SLC2A13: variants seen among roughly 807,000 people sequenced by gnomAD.
SLC2A13 encodes the protein proton myo-inositol cotransporter.
SLC2A13 carries 32 observed loss-of-function variants against 64.4 expected under a neutral mutation model. The observed-to-expected ratio is 0.50, with a 90% CI of 0.37 to 0.67. The LOEUF (loss-of-function observed/expected upper bound fraction) is 0.67, where lower values mean the gene tolerates loss of function less well. SLC2A13 is among the 30% of genes least tolerant of loss of function. The pLI, the probability that SLC2A13 is intolerant of heterozygous loss-of-function variation, is 0.00. For synonymous variants in SLC2A13, 338 were observed against 327.1 expected (o/e 1.03, Z -0.36); for missense variants, 743 against 829.2 (o/e 0.90, Z 1.28).
intron 2 of SLC2A13, among the ~76,000 whole-genome samples, chr12:40,036,018 T>C (rs1017363464): frequency 1.3e-5 from 2 of 152,082 alleles, no homozygotes; most frequent in African/African-American, 2.4e-5. Flanking sequence ...TATCCTTTTT[T>C]CCCCCCAAAC....
Position 40,005,055 on chromosome 12 carries a change from G to A in SLC2A13, c.925+23246C>T, listed in dbSNP as rs536005195. ...AAACCCATGTTGTTGGAGGGTCATC[G>A]GTACTGCCTAACCCTACCTTATCTG... On this transcript the variant is annotated intron_variant, in intron 3 of 9. Coordinates refer to ENST00000280871, the MANE Select transcript of SLC2A13 (RefSeq NM_052885.4). Among the ~76,000 whole-genome samples, 12 of 152,176 alleles carry A rather than the reference G, an allele frequency of 7.9e-5. No homozygotes were observed. The East Asian group carries it at 1.9e-3, about 24-fold the overall frequency.
chr12:40,064,433 C>G (rs1016339320), intron 1 of SLC2A13, among the ~76,000 whole-genome samples: 43 of 151,568 alleles, frequency 2.8e-4, no homozygotes, highest in African/African-American at 1.0e-3. Flanking sequence ...ATAAAAATAC[C>G]TAATATGGAG....
chr12:39,791,197 T>A (rs907645695), intron 7 of SLC2A13, among the ~76,000 whole-genome samples: 2 of 151,554 alleles, frequency 1.3e-5, no homozygotes, highest in African/African-American at 2.4e-5. Flanking sequence ...AAACTCTCAA[T>A]AAATTAGGTA....
rs970794231 is a variant in SLC2A13 at position 39,872,047 on chromosome 12, GA to G, written c.1035-87del. The G allele has an allele frequency of 2.8e-5, 33 of 1,190,616 alleles. No homozygotes were observed. In the South Asian group the frequency reaches 7.3e-4, roughly 27 times the overall value. The allele number at this position is 1,190,616 out of a possible 1,614,324, so 73.8% of individuals were successfully genotyped here. A position where few individuals can be genotyped will look rare whatever the true frequency, so the allele number is the denominator to read the frequency against. ...TGATAGAAAAAGATGTATTCAATTTGAAAAAAATATAAGGAGAACTACAGTA... is the reference window on the plus strand; with the variant it reads ...TGATAGAAAAAGATGTATTCAATTTGAAAAAATATAAGGAGAACTACAGTA... On this transcript the variant is annotated intron_variant, in intron 4 of 9. Transcript: ENST00000280871.
intron 6 of SLC2A13, among the ~76,000 whole-genome samples, chr12:39,848,092 C>T (rs1430315985): frequency 6.6e-6 from 1 of 152,056 alleles, no homozygotes; most frequent in African/African-American, 2.4e-5. Context: ...ACAACCTAGG[C>T]AATACCATCC....
Position 40,028,307 on chromosome 12 carries a change from C to T in SLC2A13, c.919G>A (p.Gly307Ser). 6.2e-7 allele frequency: 1 copy of T among 1,613,322 alleles called. No homozygotes were observed. Among genetic ancestry groups the T allele is most frequent in the Non-Finnish European group, 8.5e-7 (1 of 1,179,714 alleles). The part of the protein sequence containing the change: ...NNIEEEEKEV[G>S]SAGPVICRML... ...AAGTATAAAGTCTATATACCTGAGC[C>T]AACCTCTTTTTCCTCCTCTTCAATG... The change falls in exon 3 of 10, where the codon GGC becomes AGC. Residue 307 changes from glycine to serine, a missense_variant. Gly to Ser is a moderately conservative substitution (Grantham distance 56). This residue lies in a region of SLC2A13 where 448 missense variants were observed against 447.4 expected (regional missense o/e 1.00). Coordinates refer to ENST00000280871, the MANE Select transcript of SLC2A13 (RefSeq NM_052885.4).
chr12:40,084,740 C>T (rs1938535994), intron 1 of SLC2A13, among the ~76,000 whole-genome samples: 1 of 152,102 alleles, frequency 6.6e-6, no homozygotes. Flanking sequence ...TGATGCTCCA[C>T]TTGCTGTCTG....
At chr12:39,808,596 A>G (rs1461474495) in intron 7 of SLC2A13, among the ~76,000 whole-genome samples, 2 of 152,116 alleles carry the variant, frequency 1.3e-5, no homozygotes, top group African/African-American at 4.8e-5. Context: ...AACACTTGAT[A>G]TTTTGACTTT....
intron 4 of SLC2A13, among the ~76,000 whole-genome samples, chr12:39,947,882 G>A (rs1316585588): frequency 1.3e-5 from 2 of 151,884 alleles, no homozygotes; most frequent in African/African-American, 2.4e-5. Flanking sequence ...GGATGGTCTC[G>A]ATCTCCTGAC....
At chr12:40,021,897 A>C (rs1592014467) in intron 3 of SLC2A13, among the ~76,000 whole-genome samples, 1 of 152,354 alleles carries the variant, frequency 6.6e-6, no homozygotes, top group East Asian at 1.9e-4. Context: ...TTTCTATCAA[A>C]ATACGATAAA....
chr12:39,895,829 C>T lies in SLC2A13; in HGVS notation c.1035-23868G>A, dbSNP rs571328423. 2.1e-5 allele frequency among the ~76,000 whole-genome samples: 2 copies of T among 95,942 alleles called. 1 individual carries two copies. Among genetic ancestry groups the T allele is most frequent in the African/African-American group, 8.5e-5 (2 of 23,644 alleles). The allele number at this position is 95,942 out of a possible 152,430, so 62.9% of individuals were successfully genotyped here. A position where few individuals can be genotyped will look rare whatever the true frequency, so the allele number is the denominator to read the frequency against. On this transcript the variant is annotated intron_variant, in intron 4 of 9. Coordinates refer to ENST00000280871, the MANE Select transcript of SLC2A13 (RefSeq NM_052885.4). ...GTGTATACGTACACACATGTATATG[C>T]GTGTATATGCACACACATATGTATA...
chr12:39,781,382 G>A (rs1056836388), intron 7 of SLC2A13, among the ~76,000 whole-genome samples: 2 of 15,638 alleles, frequency 1.3e-4, no homozygotes, highest in East Asian at 5.7e-3. Flanking sequence ...GCCCCGCACA[G>A]TCTGGCCTGC....
At chr12:39,770,603 G>GT (rs1940528639) in intron 7 of SLC2A13, among the ~76,000 whole-genome samples, 2 of 152,154 alleles carry the variant, frequency 1.3e-5, no homozygotes, top group African/African-American at 4.8e-5. Flanking sequence ...TGGGCTGTTG[G>GT]GAACATTAAA....
intron 3 of SLC2A13, among the ~76,000 whole-genome samples, chr12:39,985,132 C>CA (rs1410717961): frequency 5.9e-5 from 9 of 152,072 alleles, no homozygotes; most frequent in Non-Finnish European, 8.8e-5. Flanking sequence ...TGGAAAATTA[C>CA]AAAAAATGAA....
intron 2 of SLC2A13, among the ~76,000 whole-genome samples, chr12:40,029,373 C>T (rs1025516863): frequency 2.0e-5 from 3 of 152,158 alleles, no homozygotes; most frequent in African/African-American, 7.2e-5. Context: ...TGGAAACTTC[C>T]ATGCATCTAC....
intron 4 of SLC2A13, among the ~76,000 whole-genome samples, chr12:39,947,427 T>A (rs1946154033): frequency 6.6e-6 from 1 of 152,158 alleles, no homozygotes; most frequent in Non-Finnish European, 1.5e-5. Flanking sequence ...TACTTCAAGT[T>A]CCCCAAAAAA....
intron 4 of SLC2A13, among the ~76,000 whole-genome samples, chr12:39,941,850 G>A (rs1565553219): frequency 6.6e-6 from 1 of 152,058 alleles, no homozygotes; most frequent in Admixed American, 6.5e-5. Flanking sequence ...TCAGGTCTTG[G>A]GTTTAAGTCC....
chr12:39,931,678 G>T (rs1214308067), intron 4 of SLC2A13, among the ~76,000 whole-genome samples: 3 of 152,096 alleles, frequency 2.0e-5, no homozygotes, highest in African/African-American at 7.2e-5. Flanking sequence ...ATTGGAAAAT[G>T]ATTCCCAATT....
intron 7 of SLC2A13, among the ~76,000 whole-genome samples, chr12:39,785,930 A>G (rs1941168474): frequency 1.3e-5 from 2 of 152,114 alleles, no homozygotes; most frequent in Non-Finnish European, 2.9e-5. Context: ...CTGTATCCTC[A>G]TTGTATTTAG....
Sources: gnomAD v4.1 joint callset for allele counts (sites outside exome capture counted in the v4.1 genomes callset) on GRCh38, gnomAD v4.1.1 for gene constraint, gnomAD v4.1.1 regional missense constraint, MANE v1.5 for transcripts, NCBI Gene and HGNC (gene_info 2026-07-23, HGNC 2026-07-21) for gene names.